The following KIAA1328 variants were observed in gnomAD, a reference collection of about 807,000 sequenced individuals.
The protein encoded by KIAA1328 is protein hinderin.
In KIAA1328, 52 loss-of-function variants were observed where a neutral mutation model predicts 68.1. The ratio of observed to expected loss-of-function variants is 0.76; its 90% CI spans 0.61 to 0.96. The LOEUF (loss-of-function observed/expected upper bound fraction) is 0.96, where lower values mean the gene tolerates loss of function less well. Ranked by LOEUF, KIAA1328 falls within the 40% of genes least tolerant of loss-of-function variation. The pLI, the probability that KIAA1328 is intolerant of heterozygous loss-of-function variation, is 0.00. For synonymous variants in KIAA1328, 232 were observed against 239.4 expected, an observed-to-expected ratio of 0.97 and a Z score of 0.28; for missense variants, 641 against 677.6, an observed-to-expected ratio of 0.95 and a Z score of 0.60.
chr18:37,092,905 G>A (rs1011659691), intron 7 of KIAA1328, among the ~76,000 whole-genome samples: 1 of 152,120 alleles, frequency 6.6e-6, no homozygotes, highest in Non-Finnish European at 1.5e-5. Context: ...GCTTAGACCT[G>A]CCACTCTCAG....
chr18:36,860,113 T>C (rs1431779025), intron 4 of KIAA1328, among the ~76,000 whole-genome samples: 3 of 152,156 alleles, frequency 2.0e-5, no homozygotes, highest in Non-Finnish European at 4.4e-5. Flanking sequence ...TTGATAGCTA[T>C]CTGAATTGAA....
intron 5 of KIAA1328, chr18:36,955,665 A>G (rs905489485): frequency 2.6e-4 from 39 of 151,962 alleles, no homozygotes; most frequent in African/African-American, 9.4e-4. Context: ...ACTTTCTTGC[A>G]TTTTACAGCA....
At chr18:36,950,151 T>C (rs1240063821) in intron 5 of KIAA1328, among the ~76,000 whole-genome samples, 2 of 152,230 alleles carry the variant, frequency 1.3e-5, no homozygotes, top group East Asian at 1.9e-4. Context: ...AGAAAATGTG[T>C]ACTCTTTTTT....
At chr18:37,182,435 A>T (rs1199719064) in intron 9 of KIAA1328, among the ~76,000 whole-genome samples, 2 of 152,186 alleles carry the variant, frequency 1.3e-5, no homozygotes, top group African/African-American at 2.4e-5. Context: ...AATTTAATCT[A>T]TAAAATGGGA....
intron 6 of KIAA1328, among the ~76,000 whole-genome samples, chr18:37,005,029 A>T (rs2053727349): frequency 6.6e-6 from 1 of 152,088 alleles, no homozygotes; most frequent in Non-Finnish European, 1.5e-5. Context: ...GTTCTTACTT[A>T]TAAATGGTGG....
chr18:37,152,160 TTC>T (rs1453022736), intron 7 of KIAA1328, among the ~76,000 whole-genome samples: 2 of 151,816 alleles, frequency 1.3e-5, no homozygotes, highest in Non-Finnish European at 2.9e-5. Context: ...ACACGTGTGT[TTC>T]ATATGTACAT....
rs982580582 is a variant in KIAA1328 at position 37,113,713 on chromosome 18, C to A, written c.1232+46168C>A. ...GCTCCAATTAAAAGACAAAGACTGG[C>A]AAATTGGATAAAGATTCAAGACTCA... On this transcript the variant is annotated intron_variant, in intron 7 of 9. Coordinates refer to ENST00000280020, the MANE Select transcript of KIAA1328 (RefSeq NM_020776.3). Among the ~76,000 whole-genome samples the A allele has an allele frequency of 5.9e-5, 9 of 152,194 alleles. No individual in the cohort carries two copies. In the East Asian group the frequency reaches 1.4e-3, roughly 23 times the overall value.
At chr18:36,944,640 T>G (rs1389133688) in intron 5 of KIAA1328, among the ~76,000 whole-genome samples, 2 of 151,972 alleles carry the variant, frequency 1.3e-5, no homozygotes, top group Non-Finnish European at 2.9e-5. Flanking sequence ...GGACATTATC[T>G]TAGGGAGTAT....
chr18:37,210,805 G>C (rs1039297187), intron 9 of KIAA1328, among the ~76,000 whole-genome samples: 1 of 152,100 alleles, frequency 6.6e-6, no homozygotes. Context: ...CATTTCTCAA[G>C]CTTTGCTTTT....
chr18:37,126,455 GT>G (rs1453102766), intron 7 of KIAA1328, among the ~76,000 whole-genome samples: 1 of 152,104 alleles, frequency 6.6e-6, no homozygotes, highest in Non-Finnish European at 1.5e-5. Context: ...TGAATTCATA[GT>G]TTTAAAAAAC....
At chr18:36,892,122 A>G (rs1277334078) in intron 5 of KIAA1328, among the ~76,000 whole-genome samples, 2 of 152,134 alleles carry the variant, frequency 1.3e-5, no homozygotes, top group Non-Finnish European at 2.9e-5. Context: ...ATTTGTCACC[A>G]TCATCTGTTA....
intron 8 of KIAA1328, among the ~76,000 whole-genome samples, chr18:37,167,087 C>T (rs139911824): frequency 1.7e-3 from 262 of 152,276 alleles, no homozygotes; most frequent in Middle Eastern, 3.4e-3. Context: ...CTATCTCCCT[C>T]GCAGGTTGTG....
At chr18:37,149,901 A>T (rs932871876) in intron 7 of KIAA1328, among the ~76,000 whole-genome samples, 1 of 152,202 alleles carries the variant, frequency 6.6e-6, no homozygotes, top group African/African-American at 2.4e-5. Flanking sequence ...AAAGAAAAAA[A>T]TTACCAATAT....
chr18:37,093,415 T>A (rs1036293232), intron 7 of KIAA1328, among the ~76,000 whole-genome samples: 3 of 152,114 alleles, frequency 2.0e-5, no homozygotes, highest in Non-Finnish European at 4.4e-5. Context: ...AAACAACTGA[T>A]GATATGAGTG....
chr18:37,222,433 G>T lies in KIAA1328; in HGVS notation c.*206G>T, dbSNP rs2060581921. On this transcript the variant is annotated 3_prime_UTR_variant, in exon 10 of 10. Coordinates refer to ENST00000280020, the MANE Select transcript of KIAA1328 (RefSeq NM_020776.3). ...AGGCATTCGATAACACACTAAGGGG[G>T]TAGGAATGGAAGATGGTATCTTTTA... The T allele has an allele frequency of 2.1e-6, 3 of 1,411,368 alleles. No individual in the cohort carries two copies. Among genetic ancestry groups the T allele is most frequent in the Non-Finnish European group, 9.2e-7 (1 of 1,087,066 alleles). 87.4% of individuals were successfully genotyped at this position (1,411,368 alleles called of 1,614,324 possible).
intron 7 of KIAA1328, among the ~76,000 whole-genome samples, chr18:37,101,510 G>T (rs1010080734): frequency 6.6e-6 from 1 of 152,194 alleles, no homozygotes; most frequent in East Asian, 1.9e-4. Context: ...AGAAATATGG[G>T]ACTATGTGAA....
chr18:36,880,451 C>A (rs1303294453), intron 4 of KIAA1328, among the ~76,000 whole-genome samples: 1 of 152,218 alleles, frequency 6.6e-6, no homozygotes, highest in Non-Finnish European at 1.5e-5. Context: ...CAGACCAGAG[C>A]TGTTTCTATT....
chr18:36,859,919 A>G (rs972580435), intron 4 of KIAA1328, among the ~76,000 whole-genome samples: 1 of 135,896 alleles, frequency 7.4e-6, no homozygotes, highest in Non-Finnish European at 1.6e-5. Flanking sequence ...ATTGATTTTC[A>G]TTTCCTTTTT....
At chr18:36,937,015 T>G (rs2050525127) in intron 5 of KIAA1328, among the ~76,000 whole-genome samples, 1 of 152,100 alleles carries the variant, frequency 6.6e-6, no homozygotes, top group Non-Finnish European at 1.5e-5. Flanking sequence ...AACAGGCATA[T>G]AAACCAATGG....
Sources: gnomAD v4.1 joint callset for allele counts (sites outside exome capture counted in the v4.1 genomes callset) on GRCh38, gnomAD v4.1.1 for gene constraint, MANE v1.5 for transcripts, NCBI Gene and HGNC (gene_info 2026-07-23, HGNC 2026-07-21) for gene names.